Variants in REEP3 observed in about 807,000 individuals in gnomAD.
The protein encoded by REEP3 is receptor accessory protein 3.
A neutral mutation model predicts 41.3 loss-of-function variants in REEP3; 20 were observed. The observed-to-expected ratio is 0.48, with a 90% CI of 0.34 to 0.70. The LOEUF is 0.70. REEP3 is among the 30% of genes least tolerant of loss of function. The pLI is 0.01. For synonymous variants in REEP3, 104 were observed against 101.8 expected (o/e 1.02, Z -0.13); for missense variants, 271 against 308.8 (o/e 0.88, Z 0.92).
intron 1 of REEP3, among the ~76,000 whole-genome samples, chr10:63,542,133 G>T (rs1361195137): frequency 1.3e-5 from 2 of 150,692 alleles, no homozygotes; most frequent in East Asian, 1.9e-4. Context: ...AGGCTGGGGT[G>T]CAGTGGCATG....
intron 1 of REEP3, among the ~76,000 whole-genome samples, chr10:63,560,498 TA>T (rs1291821841): frequency 1.3e-5 from 2 of 152,194 alleles, no homozygotes; most frequent in East Asian, 3.8e-4. Context: ...TGCATTCCCA[TA>T]AGTGGTTTTA....
intron 3 of REEP3, among the ~76,000 whole-genome samples, chr10:63,595,888 T>C (rs1473480532): frequency 6.6e-6 from 1 of 152,260 alleles, no homozygotes; most frequent in Non-Finnish European, 1.5e-5. Flanking sequence ...AAAATGACTC[T>C]TTTTTACTTC....
At chr10:63,550,527 G>A (rs1263973756) in intron 1 of REEP3, among the ~76,000 whole-genome samples, 1 of 152,166 alleles carries the variant, frequency 6.6e-6, no homozygotes, top group African/African-American at 2.4e-5. Context: ...CTAAATTTCT[G>A]AGTTTAGGTA....
intron 2 of REEP3, among the ~76,000 whole-genome samples, chr10:63,572,439 T>G (rs1955861635): frequency 6.6e-6 from 1 of 152,100 alleles, no homozygotes; most frequent in African/African-American, 2.4e-5. Context: ...CCCGCATGCA[T>G]TAGGTATTTG....
intron 5 of REEP3, among the ~76,000 whole-genome samples, chr10:63,600,674 C>T (rs1192192878): frequency 6.6e-6 from 1 of 152,022 alleles, no homozygotes; most frequent in Non-Finnish European, 1.5e-5. Flanking sequence ...GGAATAGATG[C>T]AATTATCAAA....
chr10:63,551,606 T>G (rs976195868), intron 1 of REEP3, among the ~76,000 whole-genome samples: 3 of 152,188 alleles, frequency 2.0e-5, no homozygotes, highest in Admixed American at 2.0e-4. Flanking sequence ...CTGAGTCTAA[T>G]CTTGAGAAAA....
At chr10:63,538,689 A>G (rs901241765) in intron 1 of REEP3, among the ~76,000 whole-genome samples, 13 of 152,310 alleles carry the variant, frequency 8.5e-5, no homozygotes, top group African/African-American at 3.1e-4. Context: ...AGCCAAGATC[A>G]AGCCACTACA....
intron 2 of REEP3, among the ~76,000 whole-genome samples, chr10:63,579,605 C>A (rs188556618): frequency 1.5e-3 from 231 of 152,288 alleles, no homozygotes; most frequent in Non-Finnish European, 2.4e-3. Flanking sequence ...AATGAAAATG[C>A]TTTGGAAAAC....
intron 1 of REEP3, among the ~76,000 whole-genome samples, chr10:63,564,973 A>G (rs1169466784): frequency 6.6e-6 from 1 of 152,160 alleles, no homozygotes; most frequent in Non-Finnish European, 1.5e-5. Context: ...TGAGAATAAT[A>G]CTGGCAGGGC....
intron 1 of REEP3, among the ~76,000 whole-genome samples, chr10:63,565,767 ATGT>A (rs1241096996): frequency 2.6e-5 from 4 of 152,198 alleles, no homozygotes; most frequent in Non-Finnish European, 5.9e-5. Context: ...CATTTTCTAA[ATGT>A]TGTTCAAGGA....
chr10:63,538,776 A>G (rs1379882147), intron 1 of REEP3, among the ~76,000 whole-genome samples: 2 of 152,194 alleles, frequency 1.3e-5, no homozygotes, highest in Non-Finnish European at 2.9e-5. Flanking sequence ...AATGAACATT[A>G]TTAAATGGTG....
chr10:63,599,442 G>C, intron 5 of REEP3, 159 bp downstream of exon 5: 1 of 433,774 alleles, frequency 2.3e-6, no homozygotes, highest in Non-Finnish European at 3.9e-6. Flanking sequence ...TTAATTTTGT[G>C]TTTTCCATAC....
chr10:63,599,898 T>C (rs999895182), intron 5 of REEP3, among the ~76,000 whole-genome samples: 3 of 152,232 alleles, frequency 2.0e-5, no homozygotes, highest in African/African-American at 4.8e-5. Flanking sequence ...TTAAATACTT[T>C]AGCATAATTG....
chr10:63,548,424 A>C (rs1309656057), intron 1 of REEP3, among the ~76,000 whole-genome samples: 2 of 152,230 alleles, frequency 1.3e-5, no homozygotes. Context: ...ATTCTTGAAC[A>C]TGCAATTACC....
At chr10:63,542,707 G>T (rs1242387246) in intron 1 of REEP3, among the ~76,000 whole-genome samples, 1 of 152,142 alleles carries the variant, frequency 6.6e-6, no homozygotes, top group Admixed American at 6.6e-5. Context: ...AGAAATGAAA[G>T]ATGATGAAAA....
At chr10:63,603,674 T>C (rs769160158) in intron 5 of REEP3, among the ~76,000 whole-genome samples, 1 of 152,212 alleles carries the variant, frequency 6.6e-6, no homozygotes, top group South Asian at 2.1e-4. Context: ...GTGATTCTTT[T>C]ATCCATAACA....
At chr10:63,539,304 C>G (rs1955504614) in intron 1 of REEP3, among the ~76,000 whole-genome samples, 4 of 152,138 alleles carry the variant, frequency 2.6e-5, no homozygotes, top group Admixed American at 2.0e-4. Flanking sequence ...AATCCTAAAA[C>G]TTTCTGATAA....
At chr10:63,531,016 A>C (rs1457630782) in intron 1 of REEP3, among the ~76,000 whole-genome samples, 1 of 152,234 alleles carries the variant, frequency 6.6e-6, no homozygotes, top group Non-Finnish European at 1.5e-5. Flanking sequence ...TTAAGGGTTT[A>C]TGCATACTTA....
chr10:63,583,512 T>G (rs190215331), intron 2 of REEP3, among the ~76,000 whole-genome samples: 109 of 152,328 alleles, frequency 7.2e-4, no homozygotes, highest in Admixed American at 7.1e-3. Flanking sequence ...ACCTAGAGAA[T>G]GAAGCATCTC....
Sources: allele counts gnomAD v4.1 joint callset (sites outside exome capture counted in the v4.1 genomes callset), GRCh38; gene constraint gnomAD v4.1.1; transcripts MANE v1.5; gene names NCBI Gene and HGNC (gene_info 2026-07-23, HGNC 2026-07-21).